The following LINGO2 variants were observed in gnomAD, a reference collection of about 807,000 sequenced individuals.
LINGO2 encodes the protein leucine-rich repeat and immunoglobulin-like domain-containing nogo receptor-interacting protein 2.
LINGO2 carries 14 observed loss-of-function variants against 30.6 expected under a neutral mutation model. The observed-to-expected ratio is 0.46, with a 90% CI of 0.30 to 0.72. The LOEUF (loss-of-function observed/expected upper bound fraction) is 0.72. Ranked by LOEUF, LINGO2 falls within the 30% of genes least tolerant of loss-of-function variation. The probability of loss-of-function intolerance (pLI) is 0.07; values close to 1 mark genes in which losing one functional copy is unlikely to be tolerated. For synonymous variants in LINGO2, 317 were observed against 288.5 expected (o/e 1.10, Z -1.00); for missense variants, 729 against 751.7 (o/e 0.97, Z 0.35).
chr9:28,979,883 C>T, the LINGO2 span, among the ~76,000 whole-genome samples: 3 of 152,162 alleles, frequency 2.0e-5, no homozygotes, highest in South Asian at 2.1e-4. Context: ...CATTATATTG[C>T]CGTTCAAATA....
intron 4 of LINGO2, among the ~76,000 whole-genome samples, chr9:28,132,360 C>T (rs1392317129): frequency 2.6e-5 from 4 of 151,828 alleles, no homozygotes; most frequent in Non-Finnish European, 5.9e-5. Context: ...AGGATAATGT[C>T]TAGATAAAAA....
chr9:29,044,818 T>C, the LINGO2 span, among the ~76,000 whole-genome samples: 2 of 152,090 alleles, frequency 1.3e-5, no homozygotes, highest in African/African-American at 4.8e-5. Flanking sequence ...CTACGTACAC[T>C]GCTTTTTTCT....
intron 4 of LINGO2, among the ~76,000 whole-genome samples, chr9:28,274,352 C>G (rs1213147675): frequency 1.3e-5 from 2 of 151,944 alleles, no homozygotes; most frequent in Non-Finnish European, 2.9e-5. Flanking sequence ...TTTTTTGCTT[C>G]TGGAAATTTA....
intron 4 of LINGO2, among the ~76,000 whole-genome samples, chr9:28,120,947 GACAAA>G (rs573874895): frequency 4.6e-5 from 7 of 152,026 alleles, no homozygotes; most frequent in East Asian, 3.9e-4. Flanking sequence ...AAAACAAAAA[GACAAA>G]ACAAACTCTT....
chr9:28,828,015 T>G, the LINGO2 span, among the ~76,000 whole-genome samples: 1 of 151,926 alleles, frequency 6.6e-6, no homozygotes, highest in Non-Finnish European at 1.5e-5. Flanking sequence ...AACCAAAACA[T>G]AATCATAATG....
intron 4 of LINGO2, among the ~76,000 whole-genome samples, chr9:28,201,708 G>C (rs369152854): frequency 6.6e-6 from 1 of 152,020 alleles, no homozygotes; most frequent in Admixed American, 6.6e-5. Flanking sequence ...GTGTAAAAGT[G>C]TTATAATGCC....
chr9:29,130,223 T>C, the LINGO2 span, among the ~76,000 whole-genome samples: 2 of 152,130 alleles, frequency 1.3e-5, no homozygotes, highest in Non-Finnish European at 2.9e-5. Flanking sequence ...ATAGACACTT[T>C]TACTGGTTAA....
chr9:28,322,980 T>C (rs1052745826), intron 3 of LINGO2, among the ~76,000 whole-genome samples: 9 of 152,128 alleles, frequency 5.9e-5, no homozygotes, highest in Non-Finnish European at 1.2e-4. Flanking sequence ...AACATACTCA[T>C]TGATTGCAGG....
the LINGO2 span, among the ~76,000 whole-genome samples, chr9:28,742,359 A>C: frequency 6.6e-6 from 1 of 151,078 alleles, no homozygotes; most frequent in African/African-American, 2.4e-5. Flanking sequence ...TTGTATGCAG[A>C]TACTTCTTCA....
chr9:28,869,055 T>A, the LINGO2 span, among the ~76,000 whole-genome samples: 11 of 152,128 alleles, frequency 7.2e-5, no homozygotes, highest in Non-Finnish European at 1.0e-4. Context: ...ACTTATTAAA[T>A]ACATATTTAT....
the LINGO2 span, among the ~76,000 whole-genome samples, chr9:29,157,280 T>C: frequency 2.0e-5 from 3 of 152,148 alleles, no homozygotes; most frequent in South Asian, 2.1e-4. Flanking sequence ...AGATTTGATA[T>C]GTTCAACTAC....
chr9:27,980,057 C>T (rs928057749), intron 5 of LINGO2, among the ~76,000 whole-genome samples: 4 of 151,970 alleles, frequency 2.6e-5, no homozygotes, highest in Admixed American at 2.6e-4. Context: ...CTATTTCCAA[C>T]ACCAGCTGTT....
At chr9:28,132,482 G>A (rs1827404947) in intron 4 of LINGO2, among the ~76,000 whole-genome samples, 3 of 152,178 alleles carry the variant, frequency 2.0e-5, no homozygotes, top group Admixed American at 2.0e-4. Flanking sequence ...AGTTATAGCT[G>A]TCAGAATTAT....
At chr9:28,312,977 G>T (rs1025402597) in intron 3 of LINGO2, among the ~76,000 whole-genome samples, 1 of 152,100 alleles carries the variant, frequency 6.6e-6, no homozygotes, top group African/African-American at 2.4e-5. Context: ...AGGATTTCAG[G>T]CTGACACAGT....
At chr9:28,170,655 A>G (rs1475418835) in intron 4 of LINGO2, among the ~76,000 whole-genome samples, 1 of 152,210 alleles carries the variant, frequency 6.6e-6, no homozygotes, top group Non-Finnish European at 1.5e-5. Flanking sequence ...AATGGGTCTC[A>G]GGGCTGCATT....
intron 5 of LINGO2, among the ~76,000 whole-genome samples, chr9:27,981,529 G>A (rs1441366384): frequency 2.5e-4 from 11 of 43,584 alleles, no homozygotes; most frequent in Non-Finnish European, 5.3e-4. Flanking sequence ...AAATGACGAG[G>A]ATGGCAAAAA....
At chr9:28,299,826 G>A (rs1173369793) in intron 3 of LINGO2, among the ~76,000 whole-genome samples, 1 of 152,070 alleles carries the variant, frequency 6.6e-6, no homozygotes, top group African/African-American at 2.4e-5. Context: ...GGGAAGTAAA[G>A]TGACATATTA....
chr9:29,176,591 A>G, the LINGO2 span, among the ~76,000 whole-genome samples: 1 of 152,206 alleles, frequency 6.6e-6, no homozygotes, highest in Admixed American at 6.5e-5. Flanking sequence ...GTCTCTCCTT[A>G]TAGTTGTGCT....
intron 2 of LINGO2, among the ~76,000 whole-genome samples, chr9:28,459,282 A>T (rs1053243885): frequency 6.6e-6 from 1 of 151,928 alleles, no homozygotes; most frequent in Non-Finnish European, 1.5e-5. Context: ...AAAAAAAAAA[A>T]ACTATGCACA....
Sources: allele counts gnomAD v4.1 joint callset (sites outside exome capture counted in the v4.1 genomes callset), GRCh38; gene constraint gnomAD v4.1.1; transcripts MANE v1.5; gene names NCBI Gene and HGNC (gene_info 2026-07-23, HGNC 2026-07-21).